Variants in DTL observed in about 807,000 individuals in gnomAD.
DTL encodes the protein denticleless protein homolog.
A neutral mutation model predicts 87.0 loss-of-function variants in DTL; 46 were observed. The ratio of observed to expected loss-of-function variants is 0.53; its 90% CI spans 0.42 to 0.68. The LOEUF is 0.68. Among genes scored for constraint, DTL ranks in the 30% least tolerant of loss-of-function variants. DTL has a pLI of 0.00. For missense variants in DTL, 737 were observed against 869.4 expected, an observed-to-expected ratio of 0.85 and a Z score of 1.91; for synonymous variants, 308 against 311.2, an observed-to-expected ratio of 0.99 and a Z score of 0.11.
chr1:212,091,591 G>T (rs535754304), intron 13 of DTL, among the ~76,000 whole-genome samples: 11 of 152,232 alleles, frequency 7.2e-5, no homozygotes, highest in African/African-American at 2.6e-4. Flanking sequence ...ATACACAATG[G>T]ACTACTATTC....
chr1:212,050,401 A>G (rs991507620), intron 5 of DTL, among the ~76,000 whole-genome samples: 26 of 152,212 alleles, frequency 1.7e-4, no homozygotes, highest in South Asian at 2.1e-4. Flanking sequence ...ATGGACTCAG[A>G]TAAGTGCTTT....
At chr1:212,086,759 T>A (rs963973562) in intron 13 of DTL, among the ~76,000 whole-genome samples, 10 of 152,362 alleles carry the variant, frequency 6.6e-5, no homozygotes, top group Middle Eastern at 3.4e-3. Context: ...GTTCCATAAT[T>A]TACCTAGCTA....
At chr1:212,089,034 C>T (rs919887213) in intron 13 of DTL, among the ~76,000 whole-genome samples, 3 of 152,114 alleles carry the variant, frequency 2.0e-5, no homozygotes, top group Admixed American at 6.5e-5. Flanking sequence ...TGCAGTGAGC[C>T]GAGATCATGC....
At chr1:212,091,298 T>G (rs79336978) in intron 13 of DTL, among the ~76,000 whole-genome samples, 3,998 of 152,152 alleles carry the variant, frequency 0.026, 59 homozygotes, top group African/African-American at 0.047. Context: ...AAAGACAAAA[T>G]GTAACAAGTA....
intron 12 of DTL, 91 bp from the exon 13 acceptor site, chr1:212,080,524 C>T (rs575374170): frequency 8.0e-6 from 9 of 1,125,454 alleles, no homozygotes; most frequent in South Asian, 3.5e-5. Context: ...AATAATTATC[C>T]AGTCACAAGG....
chr1:212,051,447 T>G (rs1667974865), intron 5 of DTL: 1 of 84,216 alleles, frequency 1.2e-5, no homozygotes, highest in Non-Finnish European at 2.2e-5. Flanking sequence ...AAATTCTTTT[T>G]TTTTTTTTTT....
intron 1 of DTL, among the ~76,000 whole-genome samples, chr1:212,038,780 A>G (rs891157004): frequency 6.6e-6 from 1 of 152,238 alleles, no homozygotes; most frequent in South Asian, 2.1e-4. Context: ...TTAAATTGAT[A>G]TCTAAAAGTT....
intron 13 of DTL, among the ~76,000 whole-genome samples, chr1:212,086,928 C>A (rs1320611099): frequency 6.6e-6 from 1 of 152,084 alleles, no homozygotes; most frequent in Non-Finnish European, 1.5e-5. Context: ...TGAAAAGTAT[C>A]TTGCTTTTAA....
At chr1:212,077,819 C>A in intron 11 of DTL, 1 of 179,294 alleles carries the variant, frequency 5.6e-6, no homozygotes, top group South Asian at 1.4e-4. Flanking sequence ...GGATGGATAA[C>A]ATCCTTCCAG....
chr1:212,096,676 G>A (rs112653273), intron 13 of DTL, among the ~76,000 whole-genome samples: 402 of 152,180 alleles, frequency 2.6e-3, no homozygotes, highest in African/African-American at 9.5e-3. Flanking sequence ...ATGTTGCATG[G>A]TTCTAAGAAT....
chr1:212,072,279 A>G (rs1334862237), intron 11 of DTL, 66 bp downstream of exon 11: 1 of 1,245,268 alleles, frequency 8.0e-7, no homozygotes, highest in Non-Finnish European at 1.2e-6. Flanking sequence ...TGTTCTGTCC[A>G]ATATGAGATA....
chr1:212,061,291 G>A (rs922993580), intron 5 of DTL, among the ~76,000 whole-genome samples: 7 of 151,466 alleles, frequency 4.6e-5, no homozygotes, highest in African/African-American at 1.7e-4. Context: ...TAGACATTTC[G>A]CGAAAGAAGA....
chr1:212,104,120 G>A lies in DTL; in HGVS notation c.*1180G>A, dbSNP rs892501548. ...TATGTATCAGTGATCTTGAACCATTGTTTTATATTTTTCACCTTTGTAACC... is the reference window on the plus strand; with the variant it reads ...TATGTATCAGTGATCTTGAACCATTATTTTATATTTTTCACCTTTGTAACC... On this transcript the variant is annotated 3_prime_UTR_variant, in exon 15 of 15. Coordinates refer to ENST00000366991, the MANE Select transcript of DTL (RefSeq NM_016448.4). 1.3e-5 allele frequency: 2 copies of A among 152,010 alleles called. No homozygotes were observed. Among genetic ancestry groups the A allele is most frequent in the Admixed American group, 1.3e-4 (2 of 15,270 alleles). 9.4% of individuals were successfully genotyped at this position (152,010 alleles called of 1,614,324 possible). A position where few individuals can be genotyped will look rare whatever the true frequency, so the allele number is the denominator to read the frequency against.
At chr1:212,072,247 C>T in intron 11 of DTL, 34 bp downstream of exon 11, 1 of 1,466,018 alleles carries the variant, frequency 6.8e-7, no homozygotes, top group Non-Finnish European at 9.6e-7. Context: ...AAGTGTTAGA[C>T]TGAAGTATTC....
intron 5 of DTL, among the ~76,000 whole-genome samples, chr1:212,049,300 G>A (rs1250944301): frequency 6.6e-6 from 1 of 152,102 alleles, no homozygotes; most frequent in African/African-American, 2.4e-5. Context: ...GGGAAATATG[G>A]CATGATTTTT....
intron 12 of DTL, among the ~76,000 whole-genome samples, chr1:212,078,754 T>A (rs913825710): frequency 6.6e-6 from 1 of 152,190 alleles, no homozygotes; most frequent in Non-Finnish European, 1.5e-5. Flanking sequence ...ATGTTTTAGA[T>A]ACTCCAGAAA....
chr1:212,044,602 GAAAA>G (rs373465088), intron 2 of DTL, 54 bp from the exon 3 acceptor site: 36 of 887,558 alleles, frequency 4.1e-5, no homozygotes, highest in South Asian at 7.1e-5. Context: ...GACTCCGTCT[GAAAA>G]AAAAAAAAAA....
At chr1:212,089,835 C>T (rs1169655262) in intron 13 of DTL, among the ~76,000 whole-genome samples, 1 of 152,152 alleles carries the variant, frequency 6.6e-6, no homozygotes, top group Admixed American at 6.5e-5. Context: ...AACCTAGATA[C>T]CTGGTTTGTC....
intron 3 of DTL, among the ~76,000 whole-genome samples, chr1:212,046,408 A>G (rs930403652): frequency 1.3e-5 from 2 of 152,290 alleles, no homozygotes; most frequent in Non-Finnish European, 2.9e-5. Flanking sequence ...TAAGCCCAGC[A>G]TGCATTAGCT....
Sources: allele counts gnomAD v4.1 joint callset (sites outside exome capture counted in the v4.1 genomes callset), GRCh38; gene constraint gnomAD v4.1.1; transcripts MANE v1.5; gene names NCBI Gene and HGNC (gene_info 2026-07-23, HGNC 2026-07-21).